The following EVL variants were observed in gnomAD, a reference collection of about 807,000 sequenced individuals.
EVL encodes the protein Enah/Vasp-like, also known as ena/VASP-like protein.
In EVL, 21 loss-of-function variants were observed where a neutral mutation model predicts 59.6. The observed-to-expected ratio is 0.35, with a 90% confidence interval of 0.25 to 0.51. The LOEUF (loss-of-function observed/expected upper bound fraction) is 0.51, where lower values mean the gene tolerates loss of function less well. Among genes scored for constraint, EVL ranks in the 20% least tolerant of loss-of-function variants. EVL has a pLI of 0.97. For missense variants in EVL, 462 were observed against 546.6 expected (o/e 0.85, Z 1.54); for synonymous variants, 198 against 203.5 (o/e 0.97, Z 0.23).
In EVL at chr14:100,127,586, C is replaced by T. The variant is rs1308139399; in HGVS notation, c.487+815C>T. On this transcript the variant is annotated intron_variant, in intron 5 of 13. Transcript: ENST00000392920. The surrounding 1 kb of genome is among the most constrained non-coding windows in gnomAD (Gnocchi z 4.2). ...CCCTTCCCCATCACTCTTGGAACAGCCTGTGCCTGCCCTCTCTCCCTCTAG... is the reference window on the plus strand; with the variant it reads ...CCCTTCCCCATCACTCTTGGAACAGTCTGTGCCTGCCCTCTCTCCCTCTAG... Among the ~76,000 whole-genome samples, 2 of 152,212 alleles carry T rather than the reference C, an allele frequency of 1.3e-5. No homozygotes were observed. Among genetic ancestry groups the T allele is most frequent in the Admixed American group, 1.3e-4 (2 of 15,288 alleles).
chr14:100,052,344 A>G (rs1213881699), intron 1 of EVL, among the ~76,000 whole-genome samples: 1 of 152,226 alleles, frequency 6.6e-6, no homozygotes, highest in Non-Finnish European at 1.5e-5. Context: ...ATTAAATTGC[A>G]TTTATAAATT....
At chr14:100,018,420 T>C (rs1021434716) in intron 1 of EVL, among the ~76,000 whole-genome samples, 4 of 152,204 alleles carry the variant, frequency 2.6e-5, no homozygotes, top group Admixed American at 6.5e-5. Context: ...AATAAGACTT[T>C]GCATGTCATG....
At chr14:100,010,331 C>T (rs2061008500) in intron 1 of EVL, among the ~76,000 whole-genome samples, 1 of 152,170 alleles carries the variant, frequency 6.6e-6, no homozygotes, top group Non-Finnish European at 1.5e-5. Context: ...TCCTAGACCC[C>T]TTAGGTAGGA....
chr14:100,141,119 C>T, intron 11 of EVL, 61 bp from the exon 12 acceptor site: 1 of 1,570,152 alleles, frequency 6.4e-7, no homozygotes, highest in Non-Finnish European at 8.7e-7. Flanking sequence ...GGCCTCTGCA[C>T]AGCCAGCTTT....
chr14:100,098,668 A>G (rs1480293626), intron 3 of EVL, among the ~76,000 whole-genome samples: 1 of 152,146 alleles, frequency 6.6e-6, no homozygotes, highest in Non-Finnish European at 1.5e-5. Context: ...GGGTGTCTTG[A>G]TTGACTGGGT....
intron 1 of EVL, among the ~76,000 whole-genome samples, chr14:100,026,254 C>T (rs953724964): frequency 3.4e-5 from 5 of 148,146 alleles, no homozygotes; most frequent in African/African-American, 1.2e-4. Context: ...AAAAAAAAAA[C>T]ACAACACTGT....
intron 3 of EVL, among the ~76,000 whole-genome samples, chr14:100,115,180 CAGAA>C (rs58643765): frequency 0.02 from 3,073 of 152,218 alleles, 108 homozygotes; most frequent in African/African-American, 0.065. Flanking sequence ...ATTAGGAAGA[CAGAA>C]AGAATATTCT....
At chr14:100,102,775 C>T (rs1009118569) in intron 3 of EVL, among the ~76,000 whole-genome samples, 1 of 152,088 alleles carries the variant, frequency 6.6e-6, no homozygotes, top group Non-Finnish European at 1.5e-5. Context: ...ATCTTGGCAC[C>T]CACCATCATA....
intron 1 of EVL, among the ~76,000 whole-genome samples, chr14:100,037,134 T>C (rs1479393003): frequency 6.6e-6 from 1 of 152,232 alleles, no homozygotes; most frequent in South Asian, 2.1e-4. Flanking sequence ...TATTTTGTTA[T>C]GGCAGCCTGA....
chr14:100,129,595 T>C lies in EVL; in HGVS notation c.750T>C (p.Ser250=), dbSNP rs553991967. The C allele has an allele frequency of 8.7e-6, 14 of 1,613,586 alleles. 1 individual carries two copies. The highest frequency in any genetic ancestry group is 1.6e-4 in the Middle Eastern group (1 of 6,082). ...PEDASGGSSP[S]GTSKSDANRA... is the part of the protein sequence containing the mutation. ...ACGCATCTGGAGGCTCCAGTCCCAG[T>C]GGGACCTCAAAGTCCGATGCCAACC... The change falls in exon 7 of 14, where the codon AGT becomes AGC. Residue 250 remains serine, a synonymous_variant. Coordinates refer to ENST00000392920, the MANE Select transcript of EVL (RefSeq NM_016337.3).
intron 1 of EVL, among the ~76,000 whole-genome samples, chr14:99,980,422 C>T (rs942420436): frequency 6.6e-6 from 1 of 152,144 alleles, no homozygotes; most frequent in Non-Finnish European, 1.5e-5. Context: ...TTACCTGCCT[C>T]CCCCGGGGCC....
chr14:100,133,196 CCT>C (rs1888549954), intron 8 of EVL, among the ~76,000 whole-genome samples: 1 of 152,212 alleles, frequency 6.6e-6, no homozygotes, highest in Non-Finnish European at 1.5e-5. Flanking sequence ...TCTAAAGACT[CCT>C]CTTCCAGCAG....
At chr14:100,082,740 G>A (rs559585936) in intron 1 of EVL, among the ~76,000 whole-genome samples, 4 of 152,334 alleles carry the variant, frequency 2.6e-5, no homozygotes, top group South Asian at 2.1e-4. Context: ...AAAAGTCTGC[G>A]AAAGGAGAAA....
chr14:100,048,261 C>G (rs867552189), intron 1 of EVL, among the ~76,000 whole-genome samples: 1 of 152,082 alleles, frequency 6.6e-6, no homozygotes, highest in Non-Finnish European at 1.5e-5. Flanking sequence ...ATACAAAGGG[C>G]TTGTCTTTGG....
Position 100,135,888 on chromosome 14 carries a change from CT to C in EVL, c.901-15del. 6.2e-7 allele frequency: 1 copy of C among 1,613,864 alleles called. No homozygotes were observed. ...CAGGTGGCCTTCCTAAACAGACTCC[CT>C]TCTTCTCCATTTTAGGAAGATCCTA... On this transcript the variant is annotated splice_polypyrimidine_tract_variant and intron_variant, in intron 8 of 13. Transcript: ENST00000392920.
chr14:100,047,116 C>CTTTTTT (rs1158933445), intron 1 of EVL, among the ~76,000 whole-genome samples: 5 of 28,454 alleles, frequency 1.8e-4, no homozygotes, highest in African/African-American at 3.7e-4. Flanking sequence ...AGATCTCTCT[C>CTTTTTT]TCTTTTTTTT....
rs1382198461 is a variant in EVL, at chr14:100,109,456, G to A, written c.358+11798G>A. ...TTTGTCTAGACTGTGAGCTCCTCGA[G>A]GGCAGGTGTCTGTTTCTGTGTCTCG... On this transcript the variant is annotated intron_variant, in intron 3 of 13. Transcript: ENST00000392920. The surrounding 1 kb of genome is among the most constrained non-coding windows in gnomAD (Gnocchi z 4.3). 1 of 401,086 alleles carries A rather than the reference G, an allele frequency of 2.5e-6. No individual in the cohort carries two copies. Among genetic ancestry groups the A allele is most frequent in the South Asian group, 1.8e-5 (1 of 54,914 alleles). The allele number at this position is 401,086 out of a possible 1,614,324, so 24.8% of individuals were successfully genotyped here. A position where few individuals can be genotyped will look rare whatever the true frequency, so the allele number is the denominator to read the frequency against.
intron 3 of EVL, chr14:100,102,277 A>G (rs754661632): frequency 3.1e-5 from 14 of 455,922 alleles, no homozygotes; most frequent in East Asian, 2.1e-4. Flanking sequence ...ACCTTTTGCT[A>G]TATCTGCATA....
chr14:100,032,684 C>T (rs2061332021), intron 1 of EVL, among the ~76,000 whole-genome samples: 1 of 152,116 alleles, frequency 6.6e-6, no homozygotes, highest in Admixed American at 6.5e-5. Context: ...CCATGAAATC[C>T]TCTAAAACCC....
Sources: gnomAD v4.1 joint callset for allele counts (sites outside exome capture counted in the v4.1 genomes callset) on GRCh38, gnomAD v4.1.1 for gene constraint, Gnocchi (gnomAD v3.1) non-coding constraint, MANE v1.5 for transcripts, NCBI Gene and HGNC (gene_info 2026-07-23, HGNC 2026-07-21) for gene names.